ADAMTSL1: variants seen among roughly 807,000 people sequenced by gnomAD.
The protein encoded by ADAMTSL1 is ADAMTS-like protein 1.
A neutral mutation model predicts 201.8 loss-of-function variants in ADAMTSL1; 126 were observed. The ratio of observed to expected loss-of-function variants is 0.62; its 90% CI spans 0.54 to 0.72. ADAMTSL1 has a LOEUF of 0.72. Among genes scored for constraint, ADAMTSL1 ranks in the 30% least tolerant of loss-of-function variants. The pLI is 0.00. For missense variants in ADAMTSL1, 2,679 were observed against 2,277.8 expected, an observed-to-expected ratio of 1.18 and a Z score of -3.59; for synonymous variants, 1,121 against 903.4, an observed-to-expected ratio of 1.24 and a Z score of -4.32.
At chr9:18,497,547 TA>T (rs757387737) in intron 1 of ADAMTSL1, among the ~76,000 whole-genome samples, 4 of 152,224 alleles carry the variant, frequency 2.6e-5, no homozygotes, top group African/African-American at 7.2e-5. Flanking sequence ...TGCATTATAA[TA>T]TTTATATTAA....
chr9:18,797,150 G>C (rs1394178575), intron 20 of ADAMTSL1, among the ~76,000 whole-genome samples: 2 of 152,206 alleles, frequency 1.3e-5, no homozygotes, highest in African/African-American at 4.8e-5. Context: ...CAGGGAAGGG[G>C]AGGAGAGGGG....
At chr9:18,853,895 G>GTGTGTGTC (rs1826671560) in intron 23 of ADAMTSL1, among the ~76,000 whole-genome samples, 1 of 112,724 alleles carries the variant, frequency 8.9e-6, no homozygotes, top group African/African-American at 2.9e-5. Context: ...CTCTCTGTGT[G>GTGTGTGTC]TGTGTGTGTG....
intron 1 of ADAMTSL1, among the ~76,000 whole-genome samples, chr9:17,956,266 C>T (rs537493895): frequency 6.6e-6 from 1 of 152,024 alleles, no homozygotes; most frequent in Admixed American, 6.6e-5. Context: ...ATCTTAGTCT[C>T]GTGATCAATT....
intron 2 of ADAMTSL1, among the ~76,000 whole-genome samples, chr9:18,210,999 C>G (rs1300815442): frequency 1.3e-5 from 2 of 151,520 alleles, no homozygotes; most frequent in African/African-American, 4.9e-5. Context: ...AGGAGAGAAG[C>G]GACAAGGTGG....
At chr9:18,440,221 C>T (rs1819937006) in intron 2 of ADAMTSL1, among the ~76,000 whole-genome samples, 1 of 152,072 alleles carries the variant, frequency 6.6e-6, no homozygotes, top group South Asian at 2.1e-4. Flanking sequence ...CACCTTGCAT[C>T]CTGGGAAACA....
intron 15 of ADAMTSL1, among the ~76,000 whole-genome samples, chr9:18,725,396 C>T (rs1316691748): frequency 6.6e-6 from 1 of 152,206 alleles, no homozygotes; most frequent in Non-Finnish European, 1.5e-5. Flanking sequence ...AATCCCTTCA[C>T]AACTTTGCCT....
At chr9:18,092,673 C>A (rs1474197521) in intron 1 of ADAMTSL1, among the ~76,000 whole-genome samples, 1 of 152,148 alleles carries the variant, frequency 6.6e-6, no homozygotes, top group Admixed American at 6.5e-5. Context: ...CCAGAATTCC[C>A]CAGTTTCACT....
At chr9:18,819,838 TA>T (rs1824099611) in intron 21 of ADAMTSL1, among the ~76,000 whole-genome samples, 1 of 152,272 alleles carries the variant, frequency 6.6e-6, no homozygotes, top group Non-Finnish European at 1.5e-5. Flanking sequence ...AGCCTGCTTA[TA>T]ATTACACAGT....
At chr9:18,445,653 T>G (rs998373995) in intron 2 of ADAMTSL1, among the ~76,000 whole-genome samples, 5 of 152,158 alleles carry the variant, frequency 3.3e-5, no homozygotes, top group Non-Finnish European at 5.9e-5. Flanking sequence ...AAGACTCATA[T>G]ACAAAATGCT....
At chr9:18,732,634 G>A (rs1818278375) in intron 15 of ADAMTSL1, among the ~76,000 whole-genome samples, 1 of 152,196 alleles carries the variant, frequency 6.6e-6, no homozygotes, top group East Asian at 1.9e-4. Context: ...AAGCGTCGAT[G>A]AATTGTGTTA....
chr9:17,968,877 C>T (rs1252342681), intron 1 of ADAMTSL1, among the ~76,000 whole-genome samples: 2 of 152,022 alleles, frequency 1.3e-5, no homozygotes, highest in African/African-American at 2.4e-5. Context: ...GCCTCAATGA[C>T]ACTGTATCTA....
At chr9:18,610,797 C>T (rs1440314217) in intron 4 of ADAMTSL1, among the ~76,000 whole-genome samples, 1 of 152,100 alleles carries the variant, frequency 6.6e-6, no homozygotes, top group East Asian at 1.9e-4. Flanking sequence ...AACGTTGACA[C>T]ACAAATGCAG....
chr9:18,071,470 T>C (rs1206201815), intron 1 of ADAMTSL1, among the ~76,000 whole-genome samples: 2 of 152,186 alleles, frequency 1.3e-5, no homozygotes, highest in Non-Finnish European at 2.9e-5. Context: ...AGTTAAAAGA[T>C]TAGTAAGTGG....
At chr9:18,153,721 A>T (rs1377732527) in intron 1 of ADAMTSL1, among the ~76,000 whole-genome samples, 2 of 152,074 alleles carry the variant, frequency 1.3e-5, no homozygotes, top group Non-Finnish European at 2.9e-5. Flanking sequence ...GAATTACATA[A>T]AGAAGTAATC....
chr9:18,180,253 G>A (rs1828395351), intron 2 of ADAMTSL1, among the ~76,000 whole-genome samples: 1 of 152,180 alleles, frequency 6.6e-6, no homozygotes, highest in Non-Finnish European at 1.5e-5. Flanking sequence ...AGACTTTAAG[G>A]CCGGGCACGG....
At chr9:18,643,996 T>A (rs1015769452) in intron 7 of ADAMTSL1, among the ~76,000 whole-genome samples, 2 of 152,012 alleles carry the variant, frequency 1.3e-5, no homozygotes, top group Non-Finnish European at 2.9e-5. Context: ...CAATATAAAT[T>A]CTTCCAATTC....
intron 2 of ADAMTSL1, among the ~76,000 whole-genome samples, chr9:18,363,672 A>G (rs1836628900): frequency 6.6e-6 from 1 of 152,228 alleles, no homozygotes; most frequent in African/African-American, 2.4e-5. Flanking sequence ...AGTCCATGAT[A>G]TATAAAGGCA....
intron 2 of ADAMTSL1, among the ~76,000 whole-genome samples, chr9:18,279,434 T>A (rs555571966): frequency 1.6e-4 from 25 of 152,068 alleles, no homozygotes; most frequent in African/African-American, 5.8e-4. Context: ...TACTAGTGAT[T>A]TATTTTTTCA....
In ADAMTSL1 at chr9:18,342,681, T is replaced by C. The variant is rs185550973; in HGVS notation, c.208-162148T>C. ...CATGGCTAGTGCTGCCCAACGTTCCTCTTCCCGATGTGGTTGTGCATATTT... is the reference window on the plus strand; with the variant it reads ...CATGGCTAGTGCTGCCCAACGTTCCCCTTCCCGATGTGGTTGTGCATATTT... On this transcript the variant is annotated intron_variant, in intron 2 of 29. Transcript: ENST00000680146. Among the ~76,000 whole-genome samples the C allele has an allele frequency of 7.7e-4, 118 of 152,282 alleles. 1 individual carries two copies. Among genetic ancestry groups the C allele is most frequent in the Non-Finnish European group, 7.4e-5 (5 of 68,012 alleles).
Sources: allele counts gnomAD v4.1 joint callset (sites outside exome capture counted in the v4.1 genomes callset), GRCh38; gene constraint gnomAD v4.1.1; transcripts MANE v1.5; gene names NCBI Gene and HGNC (gene_info 2026-07-23, HGNC 2026-07-21).